The following PGM2 variants were observed in gnomAD, a reference collection of about 807,000 sequenced individuals.
The protein encoded by PGM2 is phosphopentomutase.
A neutral mutation model predicts 74.6 loss-of-function variants in PGM2; 57 were observed. The ratio of observed to expected loss-of-function variants is 0.76; its 90% CI spans 0.62 to 0.95. The LOEUF (loss-of-function observed/expected upper bound fraction) is 0.95. Among genes scored for constraint, PGM2 ranks in the 40% least tolerant of loss-of-function variants. PGM2 has a pLI of 0.00. For missense variants in PGM2, 706 were observed against 741.9 expected, an observed-to-expected ratio of 0.95 and a Z score of 0.56; for synonymous variants, 273 against 260.7, an observed-to-expected ratio of 1.05 and a Z score of -0.46.
intron 8 of PGM2, among the ~76,000 whole-genome samples, chr4:37,846,331 G>A (rs1348510948): frequency 1.3e-5 from 2 of 152,100 alleles, no homozygotes; most frequent in East Asian, 3.9e-4. Flanking sequence ...GAAATGGTAG[G>A]GTTTTCAGAT....
rs113769990 is a variant in PGM2 at position 37,834,613 on chromosome 4, T to C, written c.250-5T>C. The C allele has an allele frequency of 2.7e-3, 3,765 of 1,395,466 alleles. 27 individuals carry two copies. The highest frequency in any genetic ancestry group is 5.0e-3 in the South Asian group (427 of 84,800). 86.4% of individuals were successfully genotyped at this position (1,395,466 alleles called of 1,614,324 possible). A position where few individuals can be genotyped will look rare whatever the true frequency, so the allele number is the denominator to read the frequency against. On this transcript the variant is annotated splice_polypyrimidine_tract_variant and splice_region_variant and intron_variant, in intron 2 of 13. Transcript: ENST00000381967. ...ATACTTTTTAAATCTATGGTGTATT[T>C]GTAGGGATTTTGCAGATACCTGGAA...
At position 37,847,348 on chromosome 4, in the gene PGM2, GT is replaced by G. The variant is rs1389579685; in HGVS notation, c.1282+56del. The G allele has an allele frequency of 2.3e-6, 3 of 1,305,700 alleles. 1 individual carries two copies. The South Asian group carries it at 3.6e-5, about 16-fold the overall frequency. 80.9% of individuals were successfully genotyped at this position (1,305,700 alleles called of 1,614,324 possible). On this transcript the variant is annotated intron_variant, in intron 10 of 13. Transcript: ENST00000381967. ...ATTGGCTGCAAGGCAAAAGGAAAAG[GT>G]TTGGATTGGGATTCAAAGATCCACA...
chr4:37,852,064 G>A (rs930743959), intron 12 of PGM2, among the ~76,000 whole-genome samples: 13 of 147,384 alleles, frequency 8.8e-5, no homozygotes, highest in African/African-American at 3.2e-4. Flanking sequence ...TGACCTCCCA[G>A]GTTCAAGTGA....
At chr4:37,853,436 T>A (rs1427503484) in intron 12 of PGM2, among the ~76,000 whole-genome samples, 1 of 151,074 alleles carries the variant, frequency 6.6e-6, no homozygotes, top group Non-Finnish European at 1.5e-5. Flanking sequence ...TATAGTTTTT[T>A]AAAAATATAT....
intron 2 of PGM2, 83 bp downstream of exon 2, chr4:37,830,214 A>G: frequency 9.6e-7 from 1 of 1,038,788 alleles, no homozygotes; most frequent in Non-Finnish European, 1.3e-6. Flanking sequence ...TATTCTAATT[A>G]TAGACATGTC....
chr4:37,846,957 A>G lies in PGM2; in HGVS notation c.1034A>G (p.Asn345Ser), dbSNP rs187076049. Residue 345 changes from asparagine (N) to serine (S), a missense_variant, in exon 9 of 14, where the codon AAT becomes AGT. Physicochemically the swap from Asn to Ser is conservative, Grantham distance 46 (BLOSUM62 1). Coordinates refer to ENST00000381967, the MANE Select transcript of PGM2 (RefSeq NM_018290.4). ...GGTGAATGGAGGGTGTTTTCAGGCA[A>G]TGAGTTGGGGGCCCTCCTGGGCTGG... ...DSGEWRVFSGNELGALLGWWL... is the reference protein window; with the variant it reads ...DSGEWRVFSGSELGALLGWWL... 5.9e-4 allele frequency: 956 copies of G among 1,611,572 alleles called. 6 individuals are homozygous for G. The highest frequency in any genetic ancestry group is 4.2e-4 in the East Asian group (19 of 44,862).
intron 6 of PGM2, among the ~76,000 whole-genome samples, chr4:37,842,507 TA>T (rs1725757339): frequency 6.6e-6 from 1 of 151,870 alleles, no homozygotes; most frequent in South Asian, 2.1e-4. Flanking sequence ...GATTTTTTTC[TA>T]AAAGGTTTGC....
At chr4:37,848,268 G>A (rs527573145) in intron 10 of PGM2, among the ~76,000 whole-genome samples, 78 of 152,350 alleles carry the variant, frequency 5.1e-4, no homozygotes, top group African/African-American at 1.8e-3. Flanking sequence ...TCATGAGCTG[G>A]AAGGAGTTTC....
intron 1 of PGM2, among the ~76,000 whole-genome samples, 180 bp from the exon 2 acceptor site, chr4:37,829,784 A>C (rs1725390550): frequency 6.6e-6 from 1 of 152,062 alleles, no homozygotes; most frequent in African/African-American, 2.4e-5. Context: ...GAACACTTAC[A>C]TTATAATGTC....
Position 37,846,999 on chromosome 4 carries a change from G to T in PGM2, c.1076G>T (p.Trp359Leu). 1 of 1,613,554 alleles carries T rather than the reference G, an allele frequency of 6.2e-7. No individual in the cohort carries two copies. Among genetic ancestry groups the T allele is most frequent in the Non-Finnish European group, 8.5e-7 (1 of 1,179,642 alleles). Residue 359 changes from tryptophan (W) to leucine (L), a missense_variant, in exon 9 of 14, where the codon TGG becomes TTG. Trp to Leu is a moderately conservative substitution (Grantham distance 61). Transcript: ENST00000381967. ...ALLGWWLFTSWKEKNQDRSAL... is the reference protein window; with the variant it reads ...ALLGWWLFTSLKEKNQDRSAL... The stretch of plus-strand genomic sequence containing the variant: ...CTGGGCTGGTGGCTTTTTACATCTT[G>T]GAAAGAGAAGAACCAGGATCGCAGT...
intron 4 of PGM2, among the ~76,000 whole-genome samples, chr4:37,839,299 G>C (rs1230777669): frequency 6.6e-6 from 1 of 151,772 alleles, no homozygotes; most frequent in African/African-American, 2.4e-5. Flanking sequence ...ATTTTTAGTA[G>C]AGACAGGGTT....
rs139451812 is a variant in PGM2, at chr4:37,840,041, C to T, written c.526-25C>T. ...CTTATTTCCATTAACTGTAAACCTTCTGAATGTGTTCCTGGGTCCTCTAGG... is the reference window on the plus strand; with the variant it reads ...CTTATTTCCATTAACTGTAAACCTTTTGAATGTGTTCCTGGGTCCTCTAGG... On this transcript the variant is annotated intron_variant, in intron 5 of 13. Transcript: ENST00000381967. 410 of 1,594,726 alleles carry T rather than the reference C, an allele frequency of 2.6e-4. No homozygotes were observed. In the East Asian group the frequency reaches 6.4e-3, roughly 25 times the overall value.
intron 2 of PGM2, among the ~76,000 whole-genome samples, chr4:37,830,588 T>C (rs1725413985): frequency 1.3e-5 from 2 of 152,220 alleles, no homozygotes; most frequent in South Asian, 4.1e-4. Flanking sequence ...TCTGTCTTAA[T>C]TTGTGAATAT....
In PGM2 at chr4:37,844,538, G is replaced by A. The variant is rs1377581170; in HGVS notation, c.894G>A (p.Glu298=). ...FPTVKYPNPE[E]GKGVLTLSFA... ...CAGTGAAATACCCGAATCCCGAAGAGGGGAAAGGTGTCTTGGTAACCTAAT... is the reference window on the plus strand; with the variant it reads ...CAGTGAAATACCCGAATCCCGAAGAAGGGAAAGGTGTCTTGGTAACCTAAT... The change falls in exon 7 of 14, where the codon GAG becomes GAA. Residue 298 remains glutamate (E), a synonymous_variant. Transcript: ENST00000381967. 1.2e-6 allele frequency: 2 copies of A among 1,606,498 alleles called. No homozygotes were observed. The highest frequency in any genetic ancestry group is 2.2e-5 in the East Asian group (1 of 44,872).
chr4:37,857,245 T>A (rs1711550018), intron 13 of PGM2, among the ~76,000 whole-genome samples: 1 of 152,212 alleles, frequency 6.6e-6, no homozygotes, highest in Non-Finnish European at 1.5e-5. Context: ...ATGTGTCTAA[T>A]GGCCGCTGTA....
chr4:37,848,607 C>T lies in PGM2; in HGVS notation c.1368C>T (p.Thr456=), dbSNP rs932114529. Residue 456 remains threonine (T), a synonymous_variant, in exon 11 of 14, where the codon ACC becomes ACT. Transcript: ENST00000381967. ...CAGAGTTGGCTAGCTTCCTAGCAAC[C>T]AAGAATTTGTCTTTGTCTCAGCAAC... ...ISAELASFLA[T]KNLSLSQQLK... 2 of 1,613,498 alleles carry T rather than the reference C, an allele frequency of 1.2e-6. No individual in the cohort carries two copies. The highest frequency in any genetic ancestry group is 1.7e-6 in the Non-Finnish European group (2 of 1,179,590).
Position 37,850,260 on chromosome 4 carries a change from C to A in PGM2, c.1489C>A (p.Leu497Ile). 6.3e-7 allele frequency: 1 copy of A among 1,584,680 alleles called. No individual in the cohort carries two copies. Among genetic ancestry groups the A allele is most frequent in the African/African-American group, 1.4e-5 (1 of 72,884 alleles). Residue 497 changes from leucine (L) to isoleucine (I), a missense_variant, in exon 12 of 14, where the codon CTC becomes ATC. Leu to Ile is a conservative substitution (Grantham distance 5). Transcript: ENST00000381967. The stretch of plus-strand genomic sequence containing the variant: ...AACCATTAAGAAATTATTTGAAAAC[C>A]TCAGAAACTACGATGGAAAAAATAA... Reference protein sequence around the residue: ...QETIKKLFENLRNYDGKNNYP... With the variant: ...QETIKKLFENIRNYDGKNNYP...
chr4:37,857,311 C>T lies in PGM2; in HGVS notation c.1736+1570C>T, dbSNP rs957997767. On this transcript the variant is annotated intron_variant, in intron 13 of 13. Transcript: ENST00000381967. ...AACATAGACAAACCAAAGCTTTGCT[C>T]ATAGAAGAGTTTTTCCAGCCTCGTG... Among the ~76,000 whole-genome samples the T allele has an allele frequency of 2.6e-5, 4 of 152,138 alleles. No individual in the cohort carries two copies. In the South Asian group the frequency reaches 6.2e-4, roughly 24 times the overall value.
Position 37,844,446 on chromosome 4 carries a change from A to C in PGM2, c.802A>C (p.Lys268Gln). ...TCATAGCTTTGTGCAGTCAGCTTTC[A>C]AGGCTTTTGACCTTGTTCCTCCTGA... The part of the protein sequence containing the change: ...VGHSFVQSAF[K>Q]AFDLVPPEAV... Residue 268 changes from lysine (K) to glutamine (Q), a missense_variant, in exon 7 of 14, where the codon AAG (lysine) becomes CAG (glutamine). Lys to Gln is a moderately conservative substitution (Grantham distance 53, BLOSUM62 1). Around this residue, in one of 3 missense-constraint regions of PGM2, gnomAD observed 332 missense variants for 334.9 expected, o/e 0.99. Coordinates refer to ENST00000381967, the MANE Select transcript of PGM2 (RefSeq NM_018290.4). 6.2e-7 allele frequency: 1 copy of C among 1,613,738 alleles called. No individual in the cohort carries two copies. The highest frequency in any genetic ancestry group is 8.5e-7 in the Non-Finnish European group (1 of 1,179,664).
Sources: gnomAD v4.1 joint callset for allele counts (sites outside exome capture counted in the v4.1 genomes callset) on GRCh38, gnomAD v4.1.1 for gene constraint, gnomAD v4.1.1 regional missense constraint, MANE v1.5 for transcripts, NCBI Gene and HGNC (gene_info 2026-07-23, HGNC 2026-07-21) for gene names.